Variants in THRB observed in about 807,000 individuals in gnomAD.
THRB encodes the protein thyroid hormone receptor beta, also known as nuclear receptor subfamily 1 group A member 2.
THRB carries 12 observed loss-of-function variants against 47.8 expected under a neutral mutation model. The observed-to-expected ratio is 0.25, with a 90% CI of 0.16 to 0.41. THRB has a LOEUF of 0.41. Ranked by LOEUF, THRB falls within the 10% of genes least tolerant of loss-of-function variation. The probability of loss-of-function intolerance (pLI) is 1.00; values close to 1 mark genes in which losing one functional copy is unlikely to be tolerated. For missense variants in THRB, 348 were observed against 589.2 expected (o/e 0.59, Z 4.24); for synonymous variants, 218 against 212.2 (o/e 1.03, Z -0.24).
intron 1 of THRB, among the ~76,000 whole-genome samples, chr3:24,482,538 CCTCTCTCTCTCTCTCT>C (rs10575358): frequency 8.4e-5 from 11 of 130,988 alleles, no homozygotes; most frequent in South Asian, 5.3e-4. Flanking sequence ...TTTCTGTCTC[CCTCTCTCTCTCTCTCT>C]CTCTCTCTCT....
At chr3:24,361,916 C>T (rs1038175720) in intron 1 of THRB, among the ~76,000 whole-genome samples, 1 of 152,028 alleles carries the variant, frequency 6.6e-6, no homozygotes, top group Non-Finnish European at 1.5e-5. Context: ...TACTACTTGC[C>T]CATATCCTTG....
At chr3:24,270,982 T>C (rs1322886148) in intron 3 of THRB, among the ~76,000 whole-genome samples, 3 of 152,156 alleles carry the variant, frequency 2.0e-5, no homozygotes, top group Non-Finnish European at 2.9e-5. Flanking sequence ...AAATACCTTC[T>C]CCCTTGGATG....
At chr3:24,444,730 C>T (rs574154029) in intron 1 of THRB, among the ~76,000 whole-genome samples, 26 of 152,174 alleles carry the variant, frequency 1.7e-4, no homozygotes, top group African/African-American at 5.3e-4. Context: ...TGGATACAGG[C>T]GTGTGCCACC....
chr3:24,222,341 G>C (rs1322283418), intron 4 of THRB, among the ~76,000 whole-genome samples: 2 of 152,218 alleles, frequency 1.3e-5, no homozygotes, highest in African/African-American at 4.8e-5. Context: ...TTATTTTGCT[G>C]AGTGGGGTTT....
intron 3 of THRB, among the ~76,000 whole-genome samples, chr3:24,254,661 G>T (rs1308132283): frequency 6.6e-6 from 1 of 152,176 alleles, no homozygotes; most frequent in African/African-American, 2.4e-5. Flanking sequence ...TGCTATCAGG[G>T]TTTTTCCTCT....
chr3:24,480,709 A>C (rs939140087), intron 1 of THRB, among the ~76,000 whole-genome samples: 2 of 152,216 alleles, frequency 1.3e-5, no homozygotes, highest in African/African-American at 4.8e-5. Context: ...AAAATGAAAC[A>C]GTTATTTCAA....
chr3:24,270,793 G>T (rs2053244362), intron 3 of THRB, among the ~76,000 whole-genome samples: 1 of 152,172 alleles, frequency 6.6e-6, no homozygotes, highest in Admixed American at 6.5e-5. Flanking sequence ...TTGTAAAGTG[G>T]AGTGGCTTGA....
chr3:24,132,817 A>G lies in THRB; in HGVS notation c.885+499T>C, dbSNP rs1451147926. On this transcript the variant is annotated intron_variant, in intron 9 of 10. Coordinates refer to ENST00000646209, the MANE Select transcript of THRB (RefSeq NM_001354712.2). Reference sequence around the variant, plus strand: ...ACTTATTCTTGAGGATTAAGAAACGACCACACAGTCATCTCACTGGGATAT... The same window carrying G: ...ACTTATTCTTGAGGATTAAGAAACGGCCACACAGTCATCTCACTGGGATAT... Among the ~76,000 whole-genome samples the G allele has an allele frequency of 2.0e-5, 3 of 152,346 alleles. No individual in the cohort carries two copies. The East Asian group carries it at 5.8e-4, about 29-fold the overall frequency.
At chr3:24,276,001 G>T (rs913002688) in intron 3 of THRB, among the ~76,000 whole-genome samples, 1 of 151,910 alleles carries the variant, frequency 6.6e-6, no homozygotes, top group African/African-American at 2.4e-5. Context: ...GGGACTGCAA[G>T]AGAAGAAAGA....
Position 24,118,683 on chromosome 3 carries a change from T to C in THRB, c.*4201A>G, listed in dbSNP as rs1203634377. On this transcript the variant is annotated 3_prime_UTR_variant, in exon 11 of 11. Coordinates refer to ENST00000646209, the MANE Select transcript of THRB (RefSeq NM_001354712.2). The stretch of plus-strand genomic sequence containing the variant: ...TGATAATTTCTGTATCAACAATACA[T>C]ATGTAAAGTGTCTCCTTTTGTCTTA... The C allele has an allele frequency of 1.3e-5, 2 of 152,660 alleles. No homozygotes were observed. Among genetic ancestry groups the C allele is most frequent in the African/African-American group, 2.4e-5 (1 of 41,460 alleles). The allele number at this position is 152,660 out of a possible 1,614,324, so 9.5% of individuals were successfully genotyped here.
chr3:24,269,956 C>T lies in THRB; in HGVS notation c.-43+27270G>A, dbSNP rs147490815. On this transcript the variant is annotated intron_variant, in intron 3 of 10. Transcript: ENST00000646209. ...AATTGTTTTCTCACAAAACTCTTAG[C>T]TTTTTTTTTGCACCATCTAATGTAT... is the stretch of plus-strand genomic sequence containing the variant. 4.3e-3 allele frequency among the ~76,000 whole-genome samples: 650 copies of T among 151,110 alleles called. 8 individuals are homozygous for T. Among genetic ancestry groups the T allele is most frequent in the African/African-American group, 0.014 (576 of 41,156 alleles).
At chr3:24,290,839 T>C (rs2055848664) in intron 3 of THRB, among the ~76,000 whole-genome samples, 1 of 152,214 alleles carries the variant, frequency 6.6e-6, no homozygotes, top group Non-Finnish European at 1.5e-5. Flanking sequence ...CTGCCAGGCA[T>C]GAAATAAAAT....
At chr3:24,390,211 T>C (rs2066455485) in intron 1 of THRB, among the ~76,000 whole-genome samples, 2 of 152,266 alleles carry the variant, frequency 1.3e-5, no homozygotes, top group South Asian at 4.1e-4. Flanking sequence ...CTAGGCACTT[T>C]ATAATTATAA....
intron 1 of THRB, among the ~76,000 whole-genome samples, chr3:24,450,939 G>T (rs2125527852): frequency 6.6e-6 from 1 of 151,952 alleles, no homozygotes; most frequent in East Asian, 1.9e-4. Flanking sequence ...TATATTTGCA[G>T]GAAAACATTC....
chr3:24,308,590 A>G (rs2057525888), intron 2 of THRB, among the ~76,000 whole-genome samples: 1 of 152,196 alleles, frequency 6.6e-6, no homozygotes, highest in Non-Finnish European at 1.5e-5. Flanking sequence ...GTTAAACGGG[A>G]GAATGGAAAA....
chr3:24,171,224 C>G (rs939445428), intron 5 of THRB, among the ~76,000 whole-genome samples: 33 of 152,298 alleles, frequency 2.2e-4, no homozygotes, highest in African/African-American at 7.0e-4. Context: ...TTGGCGGAAA[C>G]CAAAGAGGTG....
chr3:24,473,589 G>T (rs1489862312), intron 1 of THRB, among the ~76,000 whole-genome samples: 1 of 152,154 alleles, frequency 6.6e-6, no homozygotes, highest in Non-Finnish European at 1.5e-5. Flanking sequence ...CCATTACTGG[G>T]TATATACCCA....
At chr3:24,365,967 T>A (rs2064428585) in intron 1 of THRB, among the ~76,000 whole-genome samples, 1 of 152,196 alleles carries the variant, frequency 6.6e-6, no homozygotes, top group African/African-American at 2.4e-5. Flanking sequence ...AATAAGATAT[T>A]CTAATCGGGC....
chr3:24,380,663 C>T (rs1012696798), intron 1 of THRB, among the ~76,000 whole-genome samples: 2 of 152,250 alleles, frequency 1.3e-5, no homozygotes, highest in South Asian at 2.1e-4. Context: ...ATAAGAACCA[C>T]TTATACCTAG....
Sources: allele counts gnomAD v4.1 joint callset (sites outside exome capture counted in the v4.1 genomes callset), GRCh38; gene constraint gnomAD v4.1.1; transcripts MANE v1.5; gene names NCBI Gene and HGNC (gene_info 2026-07-23, HGNC 2026-07-21).